The following EFCAB13 variants were observed in gnomAD, a reference collection of about 807,000 sequenced individuals.
EFCAB13 encodes the protein EF-hand calcium binding domain 13.
Under a neutral mutation model 110.2 loss-of-function variants are expected in EFCAB13, and 91 were observed. The observed-to-expected ratio is 0.83, with a 90% confidence interval of 0.70 to 0.98. EFCAB13 has a LOEUF of 0.98. Among genes scored for constraint, EFCAB13 ranks in the 50% least tolerant of loss-of-function variants. The pLI is 0.00. For missense variants in EFCAB13, 968 were observed against 1,119.4 expected, an observed-to-expected ratio of 0.86 and a Z score of 1.93; for synonymous variants, 323 against 369.9, an observed-to-expected ratio of 0.87 and a Z score of 1.45.
chr17:47,439,171 GTTT>G (rs71141908), intron 24 of EFCAB13, among the ~76,000 whole-genome samples: 7 of 73,898 alleles, frequency 9.5e-5, no homozygotes, highest in East Asian at 3.6e-4. Flanking sequence ...TCTTTGTTTT[GTTT>G]TTTTTTTTTT....
intron 24 of EFCAB13, among the ~76,000 whole-genome samples, chr17:47,436,392 C>T (rs1905214471): frequency 6.6e-6 from 1 of 152,066 alleles, no homozygotes; most frequent in African/African-American, 2.4e-5. Context: ...TGCTGTGAAT[C>T]ATCTGGTCCT....
At chr17:47,416,975 G>C (rs1459181117) in intron 23 of EFCAB13, among the ~76,000 whole-genome samples, 2 of 152,170 alleles carry the variant, frequency 1.3e-5, no homozygotes, top group African/African-American at 4.8e-5. Context: ...AAAAATTCAT[G>C]TATAATTTCA....
intron 23 of EFCAB13, among the ~76,000 whole-genome samples, chr17:47,421,006 G>C (rs537813295): frequency 7.9e-6 from 1 of 126,252 alleles, no homozygotes; most frequent in Non-Finnish European, 1.7e-5. Context: ...TCAGCCCCCC[G>C]TCCGGGAGGG....
At chr17:47,367,498 G>C (rs377418129) in intron 10 of EFCAB13, among the ~76,000 whole-genome samples, 12 of 152,322 alleles carry the variant, frequency 7.9e-5, no homozygotes, top group African/African-American at 2.4e-4. Context: ...GTAGGACGCC[G>C]GCAGAGAAGG....
At chr17:47,339,890 A>C (rs1347236076) in intron 5 of EFCAB13, 1 of 152,150 alleles carries the variant, frequency 6.6e-6, no homozygotes, top group East Asian at 1.9e-4. Context: ...ATGTCTGTGA[A>C]AGGAAATGTA....
At chr17:47,366,908 TA>T (rs1490227504) in intron 10 of EFCAB13, among the ~76,000 whole-genome samples, 1 of 152,226 alleles carries the variant, frequency 6.6e-6, no homozygotes, top group Non-Finnish European at 1.5e-5. Context: ...AGGAGTTTTC[TA>T]AATGAAGAGC....
intron 14 of EFCAB13, among the ~76,000 whole-genome samples, chr17:47,379,782 G>A (rs1403671652): frequency 6.6e-6 from 1 of 151,842 alleles, no homozygotes; most frequent in African/African-American, 2.4e-5. Flanking sequence ...TTTTTAGCAA[G>A]ATTAAAATGA....
chr17:47,325,355 C>G (rs1464559891), intron 2 of EFCAB13, among the ~76,000 whole-genome samples: 1 of 152,088 alleles, frequency 6.6e-6, no homozygotes, highest in African/African-American at 2.4e-5. Flanking sequence ...ACTTTCTTCA[C>G]TTGGCATTCA....
At chr17:47,390,394 A>G (rs2065700333) in intron 14 of EFCAB13, among the ~76,000 whole-genome samples, 1 of 151,892 alleles carries the variant, frequency 6.6e-6, no homozygotes, top group Non-Finnish European at 1.5e-5. Flanking sequence ...CAAGTGATTT[A>G]AGGTGCCACC....
Position 47,424,874 on chromosome 17 carries a change from C to CTTT in EFCAB13, c.2495-4920_2495-4918dup, listed in dbSNP as rs548271723. Among the ~76,000 whole-genome samples the CTTT allele has an allele frequency of 1.8e-3, 68 of 36,896 alleles. 18 individuals carry two copies. Among genetic ancestry groups the CTTT allele is most frequent in the Non-Finnish European group, 2.2e-3 (43 of 19,744 alleles). The allele number at this position is 36,896 out of a possible 152,430, so 24.2% of individuals were successfully genotyped here. On this transcript the variant is annotated intron_variant, in intron 23 of 24. Transcript: ENST00000331493. ...AGGATTTCTTTCTCCGGTTGACAAT[C>CTTT]TTTTTTTTTTTTTTTTTTTTTTTTT... is the stretch of plus-strand genomic sequence containing the variant.
At chr17:47,380,396 C>T (rs1294843341) in intron 14 of EFCAB13, among the ~76,000 whole-genome samples, 2 of 152,174 alleles carry the variant, frequency 1.3e-5, no homozygotes, top group African/African-American at 4.8e-5. Context: ...CATGTCCCTG[C>T]AAAGGACAGG....
chr17:47,414,600 C>T (rs1037321945), intron 22 of EFCAB13, among the ~76,000 whole-genome samples: 1 of 151,418 alleles, frequency 6.6e-6, no homozygotes, highest in African/African-American at 2.4e-5. Context: ...TGTAAAACAC[C>T]ATAAAAGGGT....
chr17:47,325,984 T>C (rs2065283997), intron 2 of EFCAB13, among the ~76,000 whole-genome samples: 1 of 143,548 alleles, frequency 7.0e-6, no homozygotes, highest in East Asian at 2.1e-4. Flanking sequence ...TTTTGTTCAT[T>C]GGTATATCCC....
In EFCAB13 at chr17:47,379,367, T is replaced by A. The variant is rs2065633903; in HGVS notation, c.1582+114T>A. The A allele has an allele frequency of 5.5e-6, 4 of 731,572 alleles. No homozygotes were observed. In the African/African-American group the frequency reaches 5.6e-5, roughly 10 times the overall value. The allele number at this position is 731,572 out of a possible 1,614,324, so 45.3% of individuals were successfully genotyped here. A position where few individuals can be genotyped will look rare whatever the true frequency, so the allele number is the denominator to read the frequency against. On this transcript the variant is annotated intron_variant, in intron 14 of 24. Transcript: ENST00000331493. ...GATGGATACTTAATAGTCCTGTGACTCTTAGGCAAGTCAGTTGCCAGTTTT... is the reference window on the plus strand; with the variant it reads ...GATGGATACTTAATAGTCCTGTGACACTTAGGCAAGTCAGTTGCCAGTTTT...
At chr17:47,331,953 T>C (rs1178120440) in intron 4 of EFCAB13, among the ~76,000 whole-genome samples, 1 of 152,132 alleles carries the variant, frequency 6.6e-6, no homozygotes, top group Non-Finnish European at 1.5e-5. Context: ...TTTAGCACAG[T>C]TTATTTATTA....
intron 5 of EFCAB13, among the ~76,000 whole-genome samples, chr17:47,336,163 G>A (rs2065348666): frequency 6.6e-6 from 1 of 150,622 alleles, no homozygotes; most frequent in Non-Finnish European, 1.5e-5. Context: ...GCCTCACTCT[G>A]TCACCCAGGC....
At chr17:47,346,043 T>A (rs1435523998) in intron 8 of EFCAB13, among the ~76,000 whole-genome samples, 2 of 152,172 alleles carry the variant, frequency 1.3e-5, no homozygotes, top group East Asian at 1.9e-4. Context: ...TTGAAAAAAA[T>A]TTTATTGTGG....
chr17:47,351,292 TGTGTGTGTGTGTGCGCGCGCGCGC>T (rs1310583999), intron 9 of EFCAB13, among the ~76,000 whole-genome samples: 5 of 133,620 alleles, frequency 3.7e-5, no homozygotes, highest in African/African-American at 1.3e-4. Context: ...TGTGTGTGTG[TGTGTGTGTGTGTGCGCGCGCGCGC>T]GCGCGCGCGC....
At chr17:47,346,725 G>A (rs1028828447) in intron 8 of EFCAB13, among the ~76,000 whole-genome samples, 1 of 152,022 alleles carries the variant, frequency 6.6e-6, no homozygotes, top group Non-Finnish European at 1.5e-5. Context: ...TGGAAAAGGT[G>A]CCCTTTCACC....
Sources: gnomAD v4.1 joint callset for allele counts (sites outside exome capture counted in the v4.1 genomes callset) on GRCh38, gnomAD v4.1.1 for gene constraint, MANE v1.5 for transcripts, NCBI Gene and HGNC (gene_info 2026-07-23, HGNC 2026-07-21) for gene names.